The following IGF2BP1 variants were observed in gnomAD, a reference collection of about 807,000 sequenced individuals.
IGF2BP1 encodes the protein insulin-like growth factor 2 mRNA-binding protein 1.
In IGF2BP1, 11 loss-of-function variants were observed where a neutral mutation model predicts 74.9. The ratio of observed to expected loss-of-function variants is 0.15; its 90% CI spans 0.09 to 0.24. The LOEUF is 0.24. IGF2BP1 is among the 10% of genes least tolerant of loss of function. The probability of loss-of-function intolerance (pLI) is 1.00; values close to 1 mark genes in which losing one functional copy is unlikely to be tolerated. For synonymous variants in IGF2BP1, 287 were observed against 281.8 expected (o/e 1.02, Z -0.18); for missense variants, 440 against 757.4 (o/e 0.58, Z 4.92).
At chr17:49,013,669 C>G (rs1241417759) in intron 2 of IGF2BP1, 1 of 152,394 alleles carries the variant, frequency 6.6e-6, no homozygotes, top group Non-Finnish European at 1.5e-5. Context: ...ACTAAAGGAC[C>G]CCAGAGCGGG....
intron 5 of IGF2BP1, chr17:49,036,384 G>A (rs533876335): frequency 6.6e-6 from 1 of 152,026 alleles, no homozygotes; most frequent in East Asian, 1.9e-4. Flanking sequence ...TACTAAAATT[G>A]GAACGGTACA....
At chr17:49,017,238 C>G in intron 2 of IGF2BP1, among the ~76,000 whole-genome samples, 1 of 152,066 alleles carries the variant, frequency 6.6e-6, no homozygotes, top group East Asian at 1.9e-4. Flanking sequence ...GTGAGCAGCT[C>G]TCCCTCACTC....
At chr17:49,032,588 T>C (rs557941580) in intron 5 of IGF2BP1, among the ~76,000 whole-genome samples, 23 of 152,230 alleles carry the variant, frequency 1.5e-4, no homozygotes, top group Non-Finnish European at 2.8e-4. Context: ...GAGCCCGTTA[T>C]AGGCTTTTGC....
intron 5 of IGF2BP1, among the ~76,000 whole-genome samples, chr17:49,034,766 A>C (rs1355649178): frequency 5.1e-5 from 7 of 136,988 alleles, no homozygotes; most frequent in African/African-American, 2.2e-4. Context: ...CAAAAAAAAC[A>C]AAAAAAACGA....
chr17:49,041,772 C>T lies in IGF2BP1; in HGVS notation c.941+272C>T, dbSNP rs560014652. 3.3e-5 allele frequency among the ~76,000 whole-genome samples: 5 copies of T among 152,300 alleles called. No homozygotes were observed. The East Asian group carries it at 7.7e-4, about 24-fold the overall frequency. Reference sequence around the variant, plus strand: ...TTCACAGCCCTCTTTCCCTGTGGCTCGTGGACAGCCTGCAGCTAGGAGCCA... The same window carrying T: ...TTCACAGCCCTCTTTCCCTGTGGCTTGTGGACAGCCTGCAGCTAGGAGCCA... On this transcript the variant is annotated intron_variant, in intron 8 of 14. Transcript: ENST00000290341.
intron 8 of IGF2BP1, among the ~76,000 whole-genome samples, chr17:49,042,026 A>G (rs906829538): frequency 6.6e-6 from 1 of 152,136 alleles, no homozygotes; most frequent in African/African-American, 2.4e-5. Flanking sequence ...CTAACAGAGG[A>G]GTTTGAGTTA....
At chr17:49,004,476 C>G (rs898245327) in intron 2 of IGF2BP1, 3 of 152,232 alleles carry the variant, frequency 2.0e-5, no homozygotes, top group Non-Finnish European at 4.4e-5. Flanking sequence ...AATGGAAGTG[C>G]AAGTAGCTGT....
rs1017634872 is a variant in IGF2BP1, at chr17:49,042,508, C to T, written c.1077+131C>T. On this transcript the variant is annotated intron_variant, in intron 9 of 14. Transcript: ENST00000290341. ...AGCTTTAGTTGATGCTTTTGGACTT[C>T]GACTATCAGAAATAGTATTTAAATA... 50 of 919,162 alleles carry T rather than the reference C, an allele frequency of 5.4e-5. No homozygotes were observed. In the East Asian group the frequency reaches 8.8e-4, roughly 16 times the overall value. The allele number at this position is 919,162 out of a possible 1,614,324, so 56.9% of individuals were successfully genotyped here. A position where few individuals can be genotyped will look rare whatever the true frequency, so the allele number is the denominator to read the frequency against.
intron 2 of IGF2BP1, among the ~76,000 whole-genome samples, chr17:49,015,981 T>C (rs568447334): frequency 6.6e-6 from 1 of 152,344 alleles, no homozygotes; most frequent in East Asian, 1.9e-4. Context: ...CTAACAAATC[T>C]CCCTGACAGC....
intron 2 of IGF2BP1, among the ~76,000 whole-genome samples, chr17:49,004,271 C>CGCAGCAGAT (rs1387825859): frequency 7.0e-6 from 1 of 142,210 alleles, no homozygotes; most frequent in Non-Finnish European, 1.6e-5. Context: ...TCGCAAACCT[C>CGCAGCAGAT]GCAGCAGATA....
rs563653709 is a variant in IGF2BP1 at position 49,039,221 on chromosome 17, ACAGGT to A, written c.684-733_684-729del. ...TGATCAGTGTACTCAGTGGCAAAGA[ACAGGT>A]CATATTATGTCCTTATCATAGTAAA... On this transcript the variant is annotated intron_variant, in intron 6 of 14. Coordinates refer to ENST00000290341, the MANE Select transcript of IGF2BP1 (RefSeq NM_006546.4). Among the ~76,000 whole-genome samples, 7 of 152,148 alleles carry A rather than the reference ACAGGT, an allele frequency of 4.6e-5. No individual in the cohort carries two copies. In the South Asian group the frequency reaches 1.5e-3, roughly 32 times the overall value.
rs2041454751 is a variant in IGF2BP1, at chr17:48,999,291, C to T, written c.236+122C>T. On this transcript the variant is annotated intron_variant, in intron 2 of 14. Coordinates refer to ENST00000290341, the MANE Select transcript of IGF2BP1 (RefSeq NM_006546.4). ...CATTACTGGTCTTTCCCACCCCCAA[C>T]TCCGGATGTTGGGGGCAGGGAGGGA... The T allele has an allele frequency of 6.1e-6, 4 of 655,946 alleles. No homozygotes were observed. In the Admixed American group the frequency reaches 8.1e-5, roughly 13 times the overall value. The allele number at this position is 655,946 out of a possible 1,614,324, so 40.6% of individuals were successfully genotyped here. A position where few individuals can be genotyped will look rare whatever the true frequency, so the allele number is the denominator to read the frequency against.
intron 2 of IGF2BP1, among the ~76,000 whole-genome samples, chr17:49,005,549 G>A (rs970662496): frequency 4.6e-5 from 7 of 152,202 alleles, no homozygotes; most frequent in African/African-American, 1.4e-4. Context: ...TGGGATGGCT[G>A]GAAATTTTGC....
chr17:49,012,198 C>A (rs1024728259), intron 2 of IGF2BP1, among the ~76,000 whole-genome samples: 1 of 152,198 alleles, frequency 6.6e-6, no homozygotes, highest in African/African-American at 2.4e-5. Flanking sequence ...AGCCACCGTG[C>A]CCGGCCAGTT....
rs1284364532 is a variant in IGF2BP1, at chr17:49,019,934, ATATATATATATATATT to A, written c.237-5677_237-5662del. Among the ~76,000 whole-genome samples, 402 of 61,734 alleles carry A rather than the reference ATATATATATATATATT, an allele frequency of 6.5e-3. 5 individuals are homozygous for A. Among genetic ancestry groups the A allele is most frequent in the South Asian group, 0.017 (42 of 2,498 alleles). The allele number at this position is 61,734 out of a possible 152,430, so 40.5% of individuals were successfully genotyped here. A position where few individuals can be genotyped will look rare whatever the true frequency, so the allele number is the denominator to read the frequency against. On this transcript the variant is annotated intron_variant, in intron 2 of 14. Transcript: ENST00000290341. ...TATATATATATATATATATATATAT[ATATATATATATATATT>A]TATATACACACACACACACACACAC...
intron 2 of IGF2BP1, among the ~76,000 whole-genome samples, chr17:49,015,785 G>A (rs2041693197): frequency 6.6e-6 from 1 of 152,106 alleles, no homozygotes; most frequent in Non-Finnish European, 1.5e-5. Flanking sequence ...GGCCTCCTTG[G>A]GGGCTGCTCA....
rs1314393914 is a variant in IGF2BP1, at chr17:49,031,494, C to T, written c.338-416C>T. Among the ~76,000 whole-genome samples, 4 of 151,000 alleles carry T rather than the reference C, an allele frequency of 2.6e-5. No individual in the cohort carries two copies. In the East Asian group the frequency reaches 7.8e-4, roughly 29 times the overall value. On this transcript the variant is annotated intron_variant, in intron 4 of 14. Transcript: ENST00000290341. ...TGGAGTATCTGCCAGGTGTCCTTTT[C>T]TTTCTTCTTTTTTTTTTTTTGAGGT...
chr17:49,007,814 GGGA>G (rs1352303933), intron 2 of IGF2BP1, among the ~76,000 whole-genome samples: 4 of 152,146 alleles, frequency 2.6e-5, no homozygotes, highest in Non-Finnish European at 5.9e-5. Context: ...TAAGTTGCTT[GGGA>G]GGAGAACTCC....
In IGF2BP1 at chr17:49,038,210, C is replaced by A; in HGVS notation, c.444C>A (p.Ala148=). ...KLNGHQLENH[A]LKVSYIPDEQ... is the part of the protein sequence containing the mutation. ...ATGGCCACCAGTTGGAGAACCATGC[C>A]CTGAAGGTCTCCTACATCCCCGATG... Residue 148 remains alanine (A), a synonymous_variant, in exon 6 of 15, where the codon GCC becomes GCA. Transcript: ENST00000290341. The A allele has an allele frequency of 6.5e-7, 1 of 1,543,970 alleles. No individual in the cohort carries two copies. Among genetic ancestry groups the A allele is most frequent in the Non-Finnish European group, 8.8e-7 (1 of 1,142,016 alleles).
Sources: allele counts gnomAD v4.1 joint callset (sites outside exome capture counted in the v4.1 genomes callset), GRCh38; gene constraint gnomAD v4.1.1; transcripts MANE v1.5; gene names NCBI Gene and HGNC (gene_info 2026-07-23, HGNC 2026-07-21).